The following SHISA9 variants were observed in gnomAD, a reference collection of about 807,000 sequenced individuals.
SHISA9 encodes the protein protein shisa-9.
SHISA9 carries 13 observed loss-of-function variants against 38.0 expected under a neutral mutation model. The observed-to-expected ratio is 0.34, with a 90% CI of 0.22 to 0.54. SHISA9 has a LOEUF of 0.54. Among genes scored for constraint, SHISA9 ranks in the 20% least tolerant of loss-of-function variants. The pLI, the probability that SHISA9 is intolerant of heterozygous loss-of-function variation, is 0.91. For missense variants in SHISA9, 538 were observed against 575.8 expected (o/e 0.93, Z 0.67); for synonymous variants, 275 against 242.0 (o/e 1.14, Z -1.27).
chr16:13,235,460 A>C lies in SHISA9; in HGVS notation c.*51A>C. ...AGACCACACTCAACTGAGAGAGGCA[A>C]AAAACAACCCCGCCCACACCCTCCC... On this transcript the variant is annotated 3_prime_UTR_variant, in exon 5 of 5. Transcript: ENST00000558583. 1.3e-6 allele frequency: 2 copies of C among 1,485,352 alleles called. No individual in the cohort carries two copies. The highest frequency in any genetic ancestry group is 2.7e-5 in the South Asian group (2 of 75,116). 92.0% of individuals were successfully genotyped at this position (1,485,352 alleles called of 1,614,324 possible). A position where few individuals can be genotyped will look rare whatever the true frequency, so the allele number is the denominator to read the frequency against.
intron 2 of SHISA9, among the ~76,000 whole-genome samples, chr16:13,040,031 AG>A (rs1400631201): frequency 6.6e-6 from 1 of 152,168 alleles, no homozygotes; most frequent in East Asian, 1.9e-4. Flanking sequence ...GTCCAAGTCA[AG>A]GTCATTTCCT....
the SHISA9 span, among the ~76,000 whole-genome samples, chr16:13,313,263 A>AAAAAAC: frequency 1.6e-4 from 7 of 42,714 alleles, 1 homozygote; most frequent in Non-Finnish European, 2.5e-4. Context: ...TCAAAAAAAA[A>AAAAAAC]AAAAAAAAAC....
chr16:13,168,782 C>T (rs2050660061), intron 2 of SHISA9, among the ~76,000 whole-genome samples: 1 of 152,210 alleles, frequency 6.6e-6, no homozygotes, highest in African/African-American at 2.4e-5. Flanking sequence ...ATTCACGTTC[C>T]ACTTGCACCA....
chr16:12,930,106 A>C (rs1465251123), intron 2 of SHISA9, among the ~76,000 whole-genome samples: 1 of 152,080 alleles, frequency 6.6e-6, no homozygotes, highest in Non-Finnish European at 1.5e-5. Flanking sequence ...TTTCCCCACA[A>C]CATGTTAGCT....
the SHISA9 span, among the ~76,000 whole-genome samples, chr16:13,433,528 C>T: frequency 1.6e-4 from 11 of 70,034 alleles, no homozygotes; most frequent in Admixed American, 2.1e-4. Context: ...AGAAAGAGGT[C>T]AGAGAGATTA....
chr16:13,156,944 G>GT (rs2050553074), intron 2 of SHISA9, among the ~76,000 whole-genome samples: 1 of 152,102 alleles, frequency 6.6e-6, no homozygotes, highest in Non-Finnish European at 1.5e-5. Flanking sequence ...TTTACTGAGT[G>GT]TTTTTTATAT....
At chr16:13,063,102 G>C (rs1596620927) in intron 2 of SHISA9, among the ~76,000 whole-genome samples, 1 of 152,172 alleles carries the variant, frequency 6.6e-6, no homozygotes, top group African/African-American at 2.4e-5. Context: ...AGCCTCCCGG[G>C]ATCAAGTGAT....
At chr16:13,107,459 C>G (rs7205030) in intron 2 of SHISA9, among the ~76,000 whole-genome samples, 1 of 132,910 alleles carries the variant, frequency 7.5e-6, no homozygotes, top group Non-Finnish European at 1.6e-5. Flanking sequence ...AACAAACAAA[C>G]AAAAAAACAA....
intron 2 of SHISA9, among the ~76,000 whole-genome samples, chr16:13,185,515 T>A (rs1178305327): frequency 6.6e-6 from 1 of 152,178 alleles, no homozygotes; most frequent in South Asian, 2.1e-4. Context: ...ATTTTTTATA[T>A]CTTGATTAAC....
the SHISA9 span, among the ~76,000 whole-genome samples, chr16:13,464,189 C>A: frequency 6.6e-6 from 1 of 152,158 alleles, no homozygotes; most frequent in South Asian, 2.1e-4. Context: ...AGGAAGCTTT[C>A]CAGGTAAGTG....
rs1039921441 is a variant in SHISA9, at chr16:13,200,668, T to C, written c.692-2726T>C. 8.6e-5 allele frequency among the ~76,000 whole-genome samples: 7 copies of C among 81,176 alleles called. 3 individuals are homozygous for C. Among genetic ancestry groups the C allele is most frequent in the African/African-American group, 3.9e-4 (7 of 18,058 alleles). The allele number at this position is 81,176 out of a possible 152,430, so 53.3% of individuals were successfully genotyped here. ...ACCTTTTCTACTGTTACTTTATTAA[T>C]CCTGGGACTCTCCCATCGCAGCTGA... On this transcript the variant is annotated intron_variant, in intron 2 of 4. Transcript: ENST00000558583.
At chr16:13,143,086 A>G (rs1455905530) in intron 2 of SHISA9, among the ~76,000 whole-genome samples, 1 of 151,292 alleles carries the variant, frequency 6.6e-6, no homozygotes, top group Non-Finnish European at 1.5e-5. Context: ...GACTCACTGC[A>G]ACCTCTGCCT....
chr16:13,450,772 T>C, the SHISA9 span, among the ~76,000 whole-genome samples: 1 of 152,064 alleles, frequency 6.6e-6, no homozygotes, highest in Non-Finnish European at 1.5e-5. Flanking sequence ...GTGTTGTTGT[T>C]TTGTTGTTGT....
At chr16:13,401,121 A>G in the SHISA9 span, among the ~76,000 whole-genome samples, 3 of 152,188 alleles carry the variant, frequency 2.0e-5, no homozygotes, top group Non-Finnish European at 4.4e-5. Flanking sequence ...CATCCCACAG[A>G]ATCTCCCAAG....
At chr16:13,329,251 G>C in the SHISA9 span, among the ~76,000 whole-genome samples, 2 of 152,026 alleles carry the variant, frequency 1.3e-5, no homozygotes, top group Non-Finnish European at 2.9e-5. Context: ...TTTCCTTTCC[G>C]GCGCCCCTCT....
chr16:13,507,463 G>A, the SHISA9 span, among the ~76,000 whole-genome samples: 3 of 152,178 alleles, frequency 2.0e-5, no homozygotes, highest in East Asian at 1.9e-4. Flanking sequence ...TAACATTAGC[G>A]TAGACAAGAA....
intron 3 of SHISA9, among the ~76,000 whole-genome samples, chr16:13,204,088 C>G (rs552946413): frequency 6.6e-6 from 1 of 152,244 alleles, no homozygotes; most frequent in South Asian, 2.1e-4. Flanking sequence ...TATCTATTAT[C>G]TATCTATATC....
the SHISA9 span, among the ~76,000 whole-genome samples, chr16:13,436,391 C>T: frequency 6.6e-6 from 1 of 152,180 alleles, no homozygotes; most frequent in Admixed American, 6.5e-5. Flanking sequence ...TTTAAAATGC[C>T]ATGGCAATGT....
intron 2 of SHISA9, among the ~76,000 whole-genome samples, chr16:13,110,537 C>T (rs2141966337): frequency 6.6e-6 from 1 of 152,310 alleles, no homozygotes. Context: ...GGTCCCTTTT[C>T]AGCCTCAATG....
Sources: gnomAD v4.1 joint callset for allele counts (sites outside exome capture counted in the v4.1 genomes callset) on GRCh38, gnomAD v4.1.1 for gene constraint, MANE v1.5 for transcripts, NCBI Gene and HGNC (gene_info 2026-07-23, HGNC 2026-07-21) for gene names.